PTGDS: variants seen among roughly 807,000 people sequenced by gnomAD.
PTGDS encodes prostaglandin D2 synthase.
Under a neutral mutation model 28.4 loss-of-function variants are expected in PTGDS, and 21 were observed. The observed-to-expected ratio is 0.74, with a 90% confidence interval of 0.52 to 1.07. The LOEUF (loss-of-function observed/expected upper bound fraction) is 1.07. Ranked by LOEUF, PTGDS falls within the 50% of genes least tolerant of loss-of-function variation. The probability of loss-of-function intolerance (pLI) is 0.00; values close to 1 mark genes in which losing one functional copy is unlikely to be tolerated. For missense variants in PTGDS, 243 were observed against 247.7 expected (o/e 0.98, Z 0.13); for synonymous variants, 102 against 106.0 (o/e 0.96, Z 0.23).
chr9:136,980,066 C>G lies in PTGDS; in HGVS notation c.448+4C>G. On this transcript the variant is annotated splice_donor_region_variant and intron_variant, in intron 4 of 6. Transcript: ENST00000371625. ...TTCCGCATGGCCACCCTCTACAGTACGTGCCCCGTGGACGCCGCCCACACG... is the reference window on the plus strand; with the variant it reads ...TTCCGCATGGCCACCCTCTACAGTAGGTGCCCCGTGGACGCCGCCCACACG... 1 of 1,610,184 alleles carries G rather than the reference C, an allele frequency of 6.2e-7. No individual in the cohort carries two copies. The highest frequency in any genetic ancestry group is 8.5e-7 in the Non-Finnish European group (1 of 1,178,324).
chr9:136,980,436 C>A, intron 5 of PTGDS, 152 bp downstream of exon 5: 1 of 974,292 alleles, frequency 1.0e-6, no homozygotes, highest in Non-Finnish European at 1.5e-6. Flanking sequence ...CAAGTCAGAA[C>A]CTCCCTCCCG....
chr9:136,981,081 C>T, intron 6 of PTGDS: 1 of 646,220 alleles, frequency 1.5e-6, no homozygotes, highest in Non-Finnish European at 2.6e-6. Flanking sequence ...GTCCCAGTGG[C>T]TGGAACAGGG....
rs1429841310 is a variant in PTGDS at position 136,980,029 on chromosome 9, C to A, written c.415C>A (p.Pro139Thr). The change falls in exon 4 of 7, where the codon CCT (proline) becomes ACT (threonine). Residue 139 changes from proline to threonine, a missense_variant. Coordinates refer to ENST00000371625, the MANE Select transcript of PTGDS (RefSeq NM_000954.6). ...ALLYSQGSKG[P>T]GEDFRMATLY... ...GCTGTACAGCCAGGGCAGCAAGGGC[C>A]CTGGCGAGGACTTCCGCATGGCCAC... 1.2e-6 allele frequency: 2 copies of A among 1,612,832 alleles called. No homozygotes were observed. Among genetic ancestry groups the A allele is most frequent in the Admixed American group, 3.3e-5 (2 of 59,994 alleles).
At chr9:136,977,756 C>T in intron 1 of PTGDS, 64 bp downstream of exon 1, 1 of 1,384,780 alleles carries the variant, frequency 7.2e-7, no homozygotes, top group Non-Finnish European at 9.8e-7. Context: ...GGGCACTTTC[C>T]GGCTGGGTCT....
intron 6 of PTGDS, chr9:136,981,117 G>C (rs750975084): frequency 7.4e-6 from 4 of 543,918 alleles, no homozygotes; most frequent in African/African-American, 1.9e-5. Context: ...TCATGGTTGG[G>C]GGGTGCAGGT....
At position 136,977,859 on chromosome 9, in the gene PTGDS, C is replaced by G. The variant is rs1174777484; in HGVS notation, c.114+167C>G. On this transcript the variant is annotated intron_variant, in intron 1 of 6. Transcript: ENST00000371625. ...GCAGGAAGGAGGCTGGGTAGCCGCC[C>G]GAGGAGGCTGCCCGCGAGAAGCCCT... 3.3e-5 allele frequency among the ~76,000 whole-genome samples: 3 copies of G among 91,876 alleles called. No individual in the cohort carries two copies. In the Admixed American group the frequency reaches 4.2e-4, roughly 13 times the overall value. 60.3% of individuals were successfully genotyped at this position (91,876 alleles called of 152,430 possible). A position where few individuals can be genotyped will look rare whatever the true frequency, so the allele number is the denominator to read the frequency against.
chr9:136,977,527 C>T lies in PTGDS; in HGVS notation c.-52C>T. ...CCGCTCCTCCTGCACACCTCCCTCG[C>T]TCTCCCACACCACTGGCACCAGGCC... On this transcript the variant is annotated 5_prime_UTR_variant, in exon 1 of 7. Transcript: ENST00000371625. The T allele has an allele frequency of 1.4e-6, 2 of 1,379,708 alleles. No individual in the cohort carries two copies. Among genetic ancestry groups the T allele is most frequent in the Non-Finnish European group, 2.0e-6 (2 of 1,002,668 alleles). The allele number at this position is 1,379,708 out of a possible 1,614,324, so 85.5% of individuals were successfully genotyped here.
In PTGDS at chr9:136,979,277, C is replaced by A. The variant is rs376199765; in HGVS notation, c.309C>A (p.Gly103=). 1.9e-6 allele frequency: 3 copies of A among 1,611,272 alleles called. No individual in the cohort carries two copies. Among genetic ancestry groups the A allele is most frequent in the Non-Finnish European group, 2.5e-6 (3 of 1,179,160 alleles). ...TMLLQPAGSL[G]SYSYRSPHWG... is the part of the protein sequence containing the mutation. ...TGCTGCAGCCCGCGGGGTCCCTCGGCTCCTACAGCTACCGGAGTCCCCGTG... is the reference window on the plus strand; with the variant it reads ...TGCTGCAGCCCGCGGGGTCCCTCGGATCCTACAGCTACCGGAGTCCCCGTG... Residue 103 remains glycine (G), a synonymous_variant, in exon 3 of 7, where the codon GGC becomes GGA. Coordinates refer to ENST00000371625, the MANE Select transcript of PTGDS (RefSeq NM_000954.6).
chr9:136,979,487 T>C (rs1360584588), intron 3 of PTGDS, 188 bp downstream of exon 3: 3 of 1,519,486 alleles, frequency 2.0e-6, no homozygotes, highest in African/African-American at 1.4e-5. Flanking sequence ...AGAGAGACCC[T>C]TCCTCCAGGG....
chr9:136,977,674 C>T lies in PTGDS; in HGVS notation c.96C>T (p.Pro32=). 2 of 1,601,548 alleles carry T rather than the reference C, an allele frequency of 1.2e-6. No homozygotes were observed. Among genetic ancestry groups the T allele is most frequent in the Non-Finnish European group, 1.7e-6 (2 of 1,175,516 alleles). ...CGGAGGCCCAGGTCTCCGTGCAGCCCAACTTCCAGCAGGACAAGGTGAGGG... is the reference window on the plus strand; with the variant it reads ...CGGAGGCCCAGGTCTCCGTGCAGCCTAACTTCCAGCAGGACAAGGTGAGGG... ...AAPEAQVSVQ[P]NFQQDKFLGR... is the part of the protein sequence containing the mutation. Residue 32 remains proline, a synonymous_variant, in exon 1 of 7, where the codon CCC becomes CCT. Transcript: ENST00000371625.
At chr9:136,978,600 TA>T (rs1334568202) in intron 1 of PTGDS, among the ~76,000 whole-genome samples, 1 of 46,854 alleles carries the variant, frequency 2.1e-5, no homozygotes, top group Non-Finnish European at 4.1e-5. Context: ...GGTCAGCTCC[TA>T]GGGGGGCATG....
At chr9:136,979,914 G>A (rs374794406) in intron 3 of PTGDS, 32 bp from the exon 4 acceptor site, 1 of 1,595,024 alleles carries the variant, frequency 6.3e-7, no homozygotes, top group African/African-American at 1.3e-5. Context: ...GGGGGGCTGA[G>A]TCCCCGACAG....
At chr9:136,979,845 G>A in intron 3 of PTGDS, 101 bp from the exon 4 acceptor site, 1 of 1,139,982 alleles carries the variant, frequency 8.8e-7, no homozygotes, top group Non-Finnish European at 1.3e-6. Flanking sequence ...GCCAGCCGAG[G>A]GGCTGAGTGC....
chr9:136,978,389 T>C (rs1257259238), intron 1 of PTGDS, among the ~76,000 whole-genome samples: 2 of 131,336 alleles, frequency 1.5e-5, no homozygotes, highest in Non-Finnish European at 3.3e-5. Context: ...GGGAGGGGCG[T>C]GGCCAGACGG....
Position 136,979,962 on chromosome 9 carries a change from C to T in PTGDS, c.348C>T (p.Tyr116=). ...SYRSPHWGST[Y]SVSVVETDYD... ...GGTTCCCAGACTGGGGCAGCACCTA[C>T]TCCGTGTCAGTGGTGGAGACCGACT... Residue 116 remains tyrosine (Y), a synonymous_variant, in exon 4 of 7, where the codon TAC becomes TAT. Transcript: ENST00000371625. 6.2e-7 allele frequency: 1 copy of T among 1,613,296 alleles called. No homozygotes were observed. The highest frequency in any genetic ancestry group is 1.7e-4 in the Middle Eastern group (1 of 6,060).
At chr9:136,980,906 C>T (rs1428748261) in intron 6 of PTGDS, 51 bp downstream of exon 6, 1 of 498,366 alleles carries the variant, frequency 2.0e-6, no homozygotes, top group Non-Finnish European at 3.2e-6. Context: ...ATTCATTCAA[C>T]ACACATCCAC....
intron 5 of PTGDS, 107 bp downstream of exon 5, chr9:136,980,391 C>T (rs1029723407): frequency 8.0e-6 from 10 of 1,256,738 alleles, no homozygotes; most frequent in Middle Eastern, 2.2e-4. Flanking sequence ...CCGCCCTGCT[C>T]GAGGCCTGGG....
chr9:136,978,453 G>GTGGCTGCTCGGGGGATT, intron 1 of PTGDS, among the ~76,000 whole-genome samples: 1 of 148,558 alleles, frequency 6.7e-6, no homozygotes, highest in Non-Finnish European at 1.5e-5. Context: ...CGTGAGGGGC[G>GTGGCTGCTCGGGGGATT]GGGCCATCTC....
At position 136,977,544 on chromosome 9, in the gene PTGDS, C is replaced by T. The variant is rs1395937616; in HGVS notation, c.-35C>T. 1.3e-6 allele frequency: 2 copies of T among 1,495,864 alleles called. No homozygotes were observed. The highest frequency in any genetic ancestry group is 9.1e-7 in the Non-Finnish European group (1 of 1,094,258). The allele number at this position is 1,495,864 out of a possible 1,614,324, so 92.7% of individuals were successfully genotyped here. On this transcript the variant is annotated 5_prime_UTR_variant, in exon 1 of 7. Coordinates refer to ENST00000371625, the MANE Select transcript of PTGDS (RefSeq NM_000954.6). The stretch of plus-strand genomic sequence containing the variant: ...CTCCCTCGCTCTCCCACACCACTGG[C>T]ACCAGGCCCCGGACACCCGCTCTGC...
Sources: allele counts gnomAD v4.1 joint callset (sites outside exome capture counted in the v4.1 genomes callset), GRCh38; gene constraint gnomAD v4.1.1; transcripts MANE v1.5; gene names NCBI Gene and HGNC (gene_info 2026-07-23, HGNC 2026-07-21).